Variants in MYH11 observed in about 807,000 individuals in gnomAD.
MYH11 encodes myosin-11.
A neutral mutation model predicts 246.6 loss-of-function variants in MYH11; 80 were observed. The ratio of observed to expected loss-of-function variants is 0.32; its 90% CI spans 0.27 to 0.39. MYH11 has a LOEUF of 0.39. MYH11 is among the 10% of genes least tolerant of loss of function. The pLI, the probability that MYH11 is intolerant of heterozygous loss-of-function variation, is 1.00. For synonymous variants in MYH11, 1,071 were observed against 1,015.5 expected (o/e 1.05, Z -1.04); for missense variants, 2,158 against 2,546.8 (o/e 0.85, Z 3.29).
At chr16:15,745,567 CTTTTTTCTTTCTTTCTT>C (rs1222632017) in intron 19 of MYH11, among the ~76,000 whole-genome samples, 29 of 143,760 alleles carry the variant, frequency 2.0e-4, no homozygotes, top group African/African-American at 6.7e-4. Context: ...CTAGCTGTTT[CTTTTTTCTTTCTTTCTT>C]TTTTTTTTTT....
In MYH11 at chr16:15,798,278, G is replaced by C. The variant is rs556822869; in HGVS notation, c.530+382C>G. Among the ~76,000 whole-genome samples the C allele has an allele frequency of 2.0e-5, 3 of 152,288 alleles. No homozygotes were observed. In the East Asian group the frequency reaches 5.8e-4, roughly 29 times the overall value. On this transcript the variant is annotated intron_variant, in intron 4 of 40. Transcript: ENST00000300036. The stretch of plus-strand genomic sequence containing the variant: ...CTTGATAAATGTGAAATACTAAAGT[G>C]ACAGTTTAACATCTTCCCTATCAAC...
chr16:15,719,441 T>TA, intron 35 of MYH11, 133 bp from the exon 36 acceptor site: 2 of 1,475,960 alleles, frequency 1.4e-6, no homozygotes, highest in African/African-American at 1.4e-5. Context: ...CGTGAATACA[T>TA]AGAGGAGGGA....
intron 4 of MYH11, among the ~76,000 whole-genome samples, chr16:15,790,338 AC>A (rs1462793266): frequency 1.2e-3 from 169 of 137,328 alleles, no homozygotes; most frequent in African/African-American, 4.7e-3. Context: ...AAACAGACAG[AC>A]AAAAAAAAAA....
Position 15,703,711 on chromosome 16 carries a change from C to T in MYH11, c.*280G>A, listed in dbSNP as rs2039304867. On this transcript the variant is annotated 3_prime_UTR_variant, in exon 41 of 41. Transcript: ENST00000300036. ...TGGAGCGTTCTTCCTGGCTCAGCCT[C>T]CCTAGTAGCTGGGACCACAGGTGTG... 2.1e-6 allele frequency: 1 copy of T among 469,950 alleles called. No homozygotes were observed. Among genetic ancestry groups the T allele is most frequent in the Non-Finnish European group, 3.9e-6 (1 of 255,156 alleles). 29.1% of individuals were successfully genotyped at this position (469,950 alleles called of 1,614,324 possible).
chr16:15,713,799 T>C (rs1246887596), intron 40 of MYH11: 1 of 152,352 alleles, frequency 6.6e-6, no homozygotes, highest in East Asian at 1.9e-4. Flanking sequence ...TGAGTTTCAT[T>C]TGGGTTGTGC....
intron 15 of MYH11, 94 bp downstream of exon 15, chr16:15,753,300 C>G (rs1208499872): frequency 6.3e-6 from 7 of 1,118,922 alleles, no homozygotes; most frequent in Non-Finnish European, 1.4e-6. Context: ...ATGTAAAGGC[C>G]TCCCCTCCTG....
At chr16:15,847,246 C>CTTTTT (rs545966682) in intron 1 of MYH11, among the ~76,000 whole-genome samples, 5 of 112,282 alleles carry the variant, frequency 4.5e-5, no homozygotes, top group Admixed American at 9.5e-5. Context: ...AAGTGGACTT[C>CTTTTT]TTTTTTTTTT....
intron 3 of MYH11, among the ~76,000 whole-genome samples, chr16:15,813,679 A>T (rs2043191237): frequency 6.6e-6 from 1 of 152,044 alleles, no homozygotes; most frequent in South Asian, 2.1e-4. Context: ...AAATAACTGT[A>T]AAAGACTTTC....
At chr16:15,819,054 T>A (rs545288383) in intron 3 of MYH11, among the ~76,000 whole-genome samples, 1 of 151,986 alleles carries the variant, frequency 6.6e-6, no homozygotes, top group African/African-American at 2.4e-5. Flanking sequence ...AATTATTTTT[T>A]TGTAGAGACA....
chr16:15,807,288 G>A (rs892119605), intron 3 of MYH11, among the ~76,000 whole-genome samples: 1 of 151,988 alleles, frequency 6.6e-6, no homozygotes, highest in East Asian at 1.9e-4. Flanking sequence ...CCAATGCACC[G>A]AGCTTCATGA....
chr16:15,829,852 T>A (rs72773904), intron 2 of MYH11, among the ~76,000 whole-genome samples: 7,100 of 152,106 alleles, frequency 0.047, 210 homozygotes, highest in African/African-American at 0.067. Context: ...CACACAGGGA[T>A]GGCCGGGCGC....
intron 1 of MYH11, among the ~76,000 whole-genome samples, chr16:15,844,490 G>A (rs996323166): frequency 6.6e-5 from 10 of 152,124 alleles, no homozygotes; most frequent in Admixed American, 1.3e-4. Context: ...GAGCCACCAC[G>A]CTCGGCCAGT....
At chr16:15,718,078 C>T in intron 37 of MYH11, 1 of 630,710 alleles carries the variant, frequency 1.6e-6, no homozygotes, top group Non-Finnish European at 2.7e-6. Context: ...GTACGGGGAG[C>T]CAGCCACGCC....
At chr16:15,716,358 G>A (rs548037290) in intron 38 of MYH11, among the ~76,000 whole-genome samples, 3 of 152,220 alleles carry the variant, frequency 2.0e-5, no homozygotes, top group East Asian at 3.9e-4. Context: ...CAGGGCGTGC[G>A]AATTACTGAA....
At chr16:15,763,947 G>C (rs1217272194) in intron 9 of MYH11, 56 bp from the exon 10 acceptor site, 9 of 1,432,118 alleles carry the variant, frequency 6.3e-6, no homozygotes, top group Non-Finnish European at 7.9e-6. Flanking sequence ...AAGGTACCCT[G>C]GAGTTTTGGA....
chr16:15,758,099 C>T (rs1204760690), intron 12 of MYH11, 99 bp from the exon 13 acceptor site: 6 of 1,547,912 alleles, frequency 3.9e-6, no homozygotes, highest in African/African-American at 2.7e-5. Context: ...CCCCATGGCC[C>T]GCCCACATCC....
chr16:15,743,325 C>T (rs536180987), intron 20 of MYH11, among the ~76,000 whole-genome samples: 1 of 152,290 alleles, frequency 6.6e-6, no homozygotes, highest in East Asian at 1.9e-4. Flanking sequence ...CCCACCACCA[C>T]ACCTGGCTAA....
intron 27 of MYH11, among the ~76,000 whole-genome samples, chr16:15,730,830 G>C (rs1341436409): frequency 6.6e-6 from 1 of 152,132 alleles, no homozygotes; most frequent in Admixed American, 6.5e-5. Context: ...GGAGAGAAGA[G>C]CACCCAAGAT....
At chr16:15,774,873 C>T (rs1043804752) in intron 8 of MYH11, among the ~76,000 whole-genome samples, 2 of 152,200 alleles carry the variant, frequency 1.3e-5, no homozygotes, top group African/African-American at 4.8e-5. Context: ...CAGGCATGAG[C>T]CACTTTGCCC....
Sources: allele counts gnomAD v4.1 joint callset (sites outside exome capture counted in the v4.1 genomes callset), GRCh38; gene constraint gnomAD v4.1.1; transcripts MANE v1.5; gene names NCBI Gene and HGNC (gene_info 2026-07-23, HGNC 2026-07-21).